Variants in ABCB1 observed in about 807,000 individuals in gnomAD.
ABCB1 encodes ATP binding cassette subfamily B member 1, also known as ATP-dependent translocase ABCB1.
Under a neutral mutation model 142.0 loss-of-function variants are expected in ABCB1, and 69 were observed. The observed-to-expected ratio is 0.49, with a 90% CI of 0.40 to 0.59. The LOEUF is 0.59. Ranked by LOEUF, ABCB1 falls within the 20% of genes least tolerant of loss-of-function variation. The probability of loss-of-function intolerance (pLI) is 0.00; values close to 1 mark genes in which losing one functional copy is unlikely to be tolerated. For missense variants in ABCB1, 1,326 were observed against 1,554.7 expected (o/e 0.85, Z 2.47); for synonymous variants, 532 against 539.2 (o/e 0.99, Z 0.18).
rs1584861948 is a variant in ABCB1 at position 87,541,437 on chromosome 7, T to A, written c.2239A>T (p.Thr747Ser). The change falls in exon 18 of 28, where the codon ACA (threonine) becomes TCA (serine). Residue 747 changes from threonine to serine, a missense_variant. Coordinates refer to ENST00000622132, the MANE Select transcript of ABCB1 (RefSeq NM_001348946.2). ...GVFTRIDDPE[T>S]KRQNSNLFSL... ...AACAAGTTACTATTCTGTCGTTTTG[T>A]TTCAGGATCATCAATTCTTGTAAAA... The A allele has an allele frequency of 6.2e-7, 1 of 1,609,300 alleles. No individual in the cohort carries two copies. Among genetic ancestry groups the A allele is most frequent in the Non-Finnish European group, 8.5e-7 (1 of 1,175,622 alleles).
intron 21 of ABCB1, 151 bp downstream of exon 21, chr7:87,531,143 C>G: frequency 1.4e-6 from 1 of 721,490 alleles, no homozygotes; most frequent in Non-Finnish European, 2.3e-6. Flanking sequence ...CTGTAAGTTT[C>G]TAATTTACTG....
intron 9 of ABCB1, among the ~76,000 whole-genome samples, chr7:87,551,151 A>C (rs1341914322): frequency 6.6e-6 from 1 of 151,806 alleles, no homozygotes; most frequent in Non-Finnish European, 1.5e-5. Context: ...TCTCCCAAGT[A>C]GCTAGGACTA....
At chr7:87,617,292 T>C (rs1423867977) in intron 1 of ABCB1, among the ~76,000 whole-genome samples, 2 of 152,232 alleles carry the variant, frequency 1.3e-5, no homozygotes, top group Non-Finnish European at 2.9e-5. Context: ...TGTTCTCCAA[T>C]GTACTTTTCT....
At chr7:87,537,636 C>T (rs1816356543) in intron 19 of ABCB1, among the ~76,000 whole-genome samples, 1 of 152,056 alleles carries the variant, frequency 6.6e-6, no homozygotes, top group Non-Finnish European at 1.5e-5. Flanking sequence ...CAGTGAAACT[C>T]TTATTAGACA....
At position 87,516,785 on chromosome 7, in the gene ABCB1, G is replaced by A. The variant is rs1815273698; in HGVS notation, c.2928-120C>T. The A allele has an allele frequency of 2.9e-6, 3 of 1,045,084 alleles. No individual in the cohort carries two copies. The Admixed American group carries it at 6.9e-5, about 24-fold the overall frequency. 64.7% of individuals were successfully genotyped at this position (1,045,084 alleles called of 1,614,324 possible). A position where few individuals can be genotyped will look rare whatever the true frequency, so the allele number is the denominator to read the frequency against. On this transcript the variant is annotated intron_variant, in intron 23 of 27. Transcript: ENST00000622132. ...GGGGTCTTCCTGTGTTGCCCAGGCT[G>A]GAGTGCAGTAGTGCAATCAGAGCTC...
chr7:87,563,931 C>A (rs187974693), intron 7 of ABCB1, among the ~76,000 whole-genome samples: 2 of 152,270 alleles, frequency 1.3e-5, no homozygotes, highest in Non-Finnish European at 2.9e-5. Flanking sequence ...CTAAATACTG[C>A]ATGTTCTCAC....
chr7:87,622,023 G>T lies in ABCB1; in HGVS notation c.-330-20945C>A, dbSNP rs538482164. The stretch of plus-strand genomic sequence containing the variant: ...TAGTGCAAATAGGTTAACTATTTTT[G>T]ATATAAAAAAGTAACCATAAAGTAT... On this transcript the variant is annotated intron_variant, in intron 1 of 28. Coordinates refer to the ABCB1 transcript ENST00000265724. Among the ~76,000 whole-genome samples the T allele has an allele frequency of 1.2e-3, 190 of 152,054 alleles. 2 individuals are homozygous for T. The highest frequency in any genetic ancestry group is 4.5e-3 in the African/African-American group (185 of 41,494).
intron 5 of ABCB1, among the ~76,000 whole-genome samples, chr7:87,569,072 C>G (rs1817921705): frequency 1.3e-5 from 2 of 152,116 alleles, no homozygotes; most frequent in African/African-American, 4.8e-5. Context: ...GCGGCTCACA[C>G]CCGTAATCCC....
At chr7:87,703,939 T>TTTTTTTTTTTTTTTTTG in intron 1 of ABCB1, among the ~76,000 whole-genome samples, 1 of 130,584 alleles carries the variant, frequency 7.7e-6, no homozygotes, top group Non-Finnish European at 1.6e-5. Context: ...TTTTTTTTTT[T>TTTTTTTTTTTTTTTTTG]TGAGACAGTC....
chr7:87,636,371 T>C (rs763083696), intron 1 of ABCB1, among the ~76,000 whole-genome samples: 1 of 152,224 alleles, frequency 6.6e-6, no homozygotes, highest in Non-Finnish European at 1.5e-5. Context: ...TTTGGAGATT[T>C]TCTTTCATAA....
intron 19 of ABCB1, 36 bp downstream of exon 19, chr7:87,539,232 C>A: frequency 6.3e-7 from 1 of 1,598,770 alleles, no homozygotes; most frequent in South Asian, 1.1e-5. Context: ...ATGGGGAGTT[C>A]TACACATCCC....
intron 25 of ABCB1, 26 bp from the exon 26 acceptor site, chr7:87,509,507 C>T: frequency 6.2e-7 from 1 of 1,608,774 alleles, no homozygotes; most frequent in Non-Finnish European, 8.5e-7. Flanking sequence ...CACAGATCAA[C>T]TTCAGGACCA....
intron 8 of ABCB1, 74 bp downstream of exon 8, chr7:87,561,189 A>T: frequency 1.3e-6 from 2 of 1,559,002 alleles, no homozygotes; most frequent in East Asian, 4.5e-5. Context: ...GCTTATAAAT[A>T]ACACTGTCAA....
chr7:87,567,338 C>T (rs1817822463), intron 5 of ABCB1, among the ~76,000 whole-genome samples: 1 of 152,198 alleles, frequency 6.6e-6, no homozygotes, highest in Non-Finnish European at 1.5e-5. Flanking sequence ...AGTAAGCACT[C>T]AGAGAATGCC....
At chr7:87,678,130 T>C (rs1385292524) in intron 1 of ABCB1, among the ~76,000 whole-genome samples, 1 of 152,188 alleles carries the variant, frequency 6.6e-6, no homozygotes, top group Admixed American at 6.5e-5. Context: ...ACTGTGAATA[T>C]CTAAATAAAT....
chr7:87,658,665 T>C (rs1269471734), intron 1 of ABCB1, among the ~76,000 whole-genome samples: 2 of 152,086 alleles, frequency 1.3e-5, no homozygotes, highest in South Asian at 2.1e-4. Context: ...AAGTAAGCAA[T>C]TGAATGACAG....
At position 87,540,106 on chromosome 7, in the gene ABCB1, T is replaced by C. The variant is rs79133338; in HGVS notation, c.2320-761A>G. Among the ~76,000 whole-genome samples, 389 of 152,360 alleles carry C rather than the reference T, an allele frequency of 2.6e-3. 1 individual carries two copies. The highest frequency in any genetic ancestry group is 8.9e-3 in the African/African-American group (369 of 41,572). ...TCTGTTTTTTCTTTTGCACCTCTTA[T>C]AATGTCCAGAAAAATATTCTATTTT... On this transcript the variant is annotated intron_variant, in intron 18 of 27. Transcript: ENST00000622132.
At chr7:87,567,066 T>A in intron 5 of ABCB1, 90 bp from the exon 6 acceptor site, 1 of 1,202,142 alleles carries the variant, frequency 8.3e-7, no homozygotes, top group Non-Finnish European at 1.2e-6. Flanking sequence ...TTTTTTCACT[T>A]ATCTGGGTAT....
chr7:87,572,669 T>C (rs754707556), intron 4 of ABCB1, among the ~76,000 whole-genome samples: 2 of 152,146 alleles, frequency 1.3e-5, no homozygotes, highest in African/African-American at 2.4e-5. Context: ...AATGACAGAC[T>C]GGATAAAGAA....
Sources: allele counts gnomAD v4.1 joint callset (sites outside exome capture counted in the v4.1 genomes callset), GRCh38; gene constraint gnomAD v4.1.1; transcripts MANE v1.5; gene names NCBI Gene and HGNC (gene_info 2026-07-23, HGNC 2026-07-21).